The following OPCML variants were observed in gnomAD, a reference collection of about 807,000 sequenced individuals.
The protein encoded by OPCML is opioid binding protein/cell adhesion molecule like.
A neutral mutation model predicts 37.8 loss-of-function variants in OPCML; 13 were observed. The ratio of observed to expected loss-of-function variants is 0.34; its 90% CI spans 0.22 to 0.55. The LOEUF (loss-of-function observed/expected upper bound fraction) is 0.55, where lower values mean the gene tolerates loss of function less well. Ranked by LOEUF, OPCML falls within the 20% of genes least tolerant of loss-of-function variation. OPCML has a pLI of 0.91. For synonymous variants in OPCML, 176 were observed against 168.8 expected (o/e 1.04, Z -0.33); for missense variants, 341 against 435.6 (o/e 0.78, Z 1.93).
chr11:133,023,355 T>G (rs1331756058), intron 1 of OPCML, among the ~76,000 whole-genome samples: 1 of 152,202 alleles, frequency 6.6e-6, no homozygotes, highest in Non-Finnish European at 1.5e-5. Flanking sequence ...GATGGATTTC[T>G]CCATACAGCA....
At chr11:133,161,407 G>A (rs1240015397) in intron 1 of OPCML, among the ~76,000 whole-genome samples, 1 of 152,172 alleles carries the variant, frequency 6.6e-6, no homozygotes, top group Non-Finnish European at 1.5e-5. Context: ...AAGATTCCTG[G>A]TAGGTAGACA....
chr11:133,479,548 G>A (rs1339078003), intron 1 of OPCML, among the ~76,000 whole-genome samples: 1 of 152,212 alleles, frequency 6.6e-6, no homozygotes, highest in African/African-American at 2.4e-5. Flanking sequence ...ACTTTGCTGT[G>A]CACACAGGCC....
intron 2 of OPCML, among the ~76,000 whole-genome samples, chr11:132,758,207 C>G (rs894664836): frequency 2.6e-5 from 4 of 152,074 alleles, no homozygotes; most frequent in Non-Finnish European, 4.4e-5. Context: ...GTTACTGTAG[C>G]CTTCTAGTAT....
chr11:132,985,689 A>G (rs1483752508), intron 1 of OPCML, among the ~76,000 whole-genome samples: 1 of 152,208 alleles, frequency 6.6e-6, no homozygotes, highest in Non-Finnish European at 1.5e-5. Context: ...ATCCTCTCAT[A>G]TTCACAAGTT....
intron 1 of OPCML, among the ~76,000 whole-genome samples, chr11:133,349,032 C>T (rs1406808375): frequency 6.6e-6 from 1 of 152,164 alleles, no homozygotes; most frequent in Non-Finnish European, 1.5e-5. Context: ...TTTTCTGACT[C>T]CCTTTCTACA....
intron 2 of OPCML, among the ~76,000 whole-genome samples, chr11:132,717,259 T>G (rs1177932478): frequency 6.6e-6 from 1 of 152,116 alleles, no homozygotes; most frequent in Non-Finnish European, 1.5e-5. Flanking sequence ...GAATATAAAT[T>G]AATGCTCAGA....
chr11:133,265,902 G>A (rs1214402584), intron 1 of OPCML, among the ~76,000 whole-genome samples: 1 of 152,300 alleles, frequency 6.6e-6, no homozygotes, highest in Non-Finnish European at 1.5e-5. Flanking sequence ...TCAGCCAATC[G>A]TCTCAGATGG....
At chr11:132,549,680 G>A (rs1028620520) in intron 3 of OPCML, among the ~76,000 whole-genome samples, 1 of 152,200 alleles carries the variant, frequency 6.6e-6, no homozygotes, top group Non-Finnish European at 1.5e-5. Flanking sequence ...GCGTGAATGC[G>A]GCCCTTCTCT....
chr11:132,792,508 C>CATTTCCAT, intron 2 of OPCML, among the ~76,000 whole-genome samples: 1 of 152,222 alleles, frequency 6.6e-6, no homozygotes, highest in East Asian at 1.9e-4. Context: ...TCCCCACCCC[C>CATTTCCAT]ATTTCCATGA....
At chr11:133,465,639 A>T (rs1384112601) in intron 1 of OPCML, among the ~76,000 whole-genome samples, 3 of 152,186 alleles carry the variant, frequency 2.0e-5, no homozygotes, top group African/African-American at 7.2e-5. Flanking sequence ...TGGAATAGCC[A>T]AGAAGGGGTA....
chr11:133,138,269 C>T (rs1241136340), intron 1 of OPCML, among the ~76,000 whole-genome samples: 1 of 152,146 alleles, frequency 6.6e-6, no homozygotes, highest in Non-Finnish European at 1.5e-5. Flanking sequence ...GATGCCAGTG[C>T]CATATTCTTG....
chr11:132,833,201 A>G (rs1940805002), intron 2 of OPCML, among the ~76,000 whole-genome samples: 1 of 152,220 alleles, frequency 6.6e-6, no homozygotes, highest in African/African-American at 2.4e-5. Context: ...ACAAATTTGT[A>G]CATCACAGCT....
Position 132,634,132 on chromosome 11 carries a change from C to T in OPCML, c.379+22955G>A, listed in dbSNP as rs76548967. Among the ~76,000 whole-genome samples, 228 of 152,316 alleles carry T rather than the reference C, an allele frequency of 1.5e-3. 1 individual carries two copies. Among genetic ancestry groups the T allele is most frequent in the African/African-American group, 5.3e-3 (221 of 41,582 alleles). ...GAAAGCTGCTCCAGATAGCTGCCCT[C>T]GGACTTCCCCCTGGATCCTACTAAT... is the stretch of plus-strand genomic sequence containing the variant. On this transcript the variant is annotated intron_variant, in intron 3 of 7. Coordinates refer to ENST00000524381, the MANE Select transcript of OPCML (RefSeq NM_001012393.5).
At chr11:132,492,671 C>A (rs956972250) in intron 4 of OPCML, among the ~76,000 whole-genome samples, 1 of 152,078 alleles carries the variant, frequency 6.6e-6, no homozygotes, top group Non-Finnish European at 1.5e-5. Flanking sequence ...GAATCTGTGA[C>A]TCAGGAATTC....
chr11:133,158,712 A>AAAAAAAAAT (rs1555105905), intron 1 of OPCML, among the ~76,000 whole-genome samples: 8 of 134,204 alleles, frequency 6.0e-5, no homozygotes, highest in Non-Finnish European at 1.2e-4. Flanking sequence ...ATAAAATTAA[A>AAAAAAAAAT]AAAATAAAAT....
At chr11:132,899,095 C>G (rs1170256568) in intron 2 of OPCML, among the ~76,000 whole-genome samples, 1 of 152,060 alleles carries the variant, frequency 6.6e-6, no homozygotes. Context: ...CCAGATTCCT[C>G]AGGAATAAAG....
chr11:132,526,699 G>A (rs1291232408), intron 4 of OPCML, among the ~76,000 whole-genome samples: 1 of 152,072 alleles, frequency 6.6e-6, no homozygotes, highest in African/African-American at 2.4e-5. Flanking sequence ...AAAAAATTCA[G>A]ATCATTATTG....
chr11:132,830,852 G>A (rs911166726), intron 2 of OPCML, among the ~76,000 whole-genome samples: 6 of 152,116 alleles, frequency 3.9e-5, no homozygotes, highest in Non-Finnish European at 7.4e-5. Flanking sequence ...AAACTACAAG[G>A]GAATGCATCT....
intron 1 of OPCML, among the ~76,000 whole-genome samples, chr11:132,964,639 C>T (rs1946173030): frequency 1.3e-5 from 2 of 152,174 alleles, no homozygotes; most frequent in Non-Finnish European, 1.5e-5. Flanking sequence ...CTACCGCTTC[C>T]TCCTGCCCAG....
Sources: allele counts gnomAD v4.1 joint callset (sites outside exome capture counted in the v4.1 genomes callset), GRCh38; gene constraint gnomAD v4.1.1; transcripts MANE v1.5; gene names NCBI Gene and HGNC (gene_info 2026-07-23, HGNC 2026-07-21).